Variants in HHLA2 observed in about 807,000 individuals in gnomAD.
HHLA2 encodes the protein HHLA2 member of B7 family.
A neutral mutation model predicts 45.9 loss-of-function variants in HHLA2; 48 were observed. That is an observed-to-expected ratio of 1.05 (90% CI 0.83 to 1.33). The LOEUF is 1.33. Ranked by LOEUF, HHLA2 falls within the 40% of genes most tolerant of loss-of-function variation. HHLA2 has a pLI of 0.00. For missense variants in HHLA2, 462 were observed against 494.3 expected (o/e 0.93, Z 0.62); for synonymous variants, 161 against 173.9 (o/e 0.93, Z 0.59).
rs2081006344 is a variant in HHLA2, at chr3:108,310,838, C to A, written c.-105+97C>A. 6.5e-5 allele frequency: 10 copies of A among 152,700 alleles called. No individual in the cohort carries two copies. The South Asian group carries it at 2.1e-3, about 32-fold the overall frequency. The allele number at this position is 152,700 out of a possible 1,614,324, so 9.5% of individuals were successfully genotyped here. A position where few individuals can be genotyped will look rare whatever the true frequency, so the allele number is the denominator to read the frequency against. The stretch of plus-strand genomic sequence containing the variant: ...TTTAAAAGACATATTCAGTCATCAT[C>A]TTTAGCACAAATGAAGTTTTGGCAA... On this transcript the variant is annotated intron_variant, in intron 2 of 10. Transcript: ENST00000619531.
At chr3:108,333,973 A>G (rs1032210761) in intron 3 of HHLA2, among the ~76,000 whole-genome samples, 1 of 152,206 alleles carries the variant, frequency 6.6e-6, no homozygotes, top group Non-Finnish European at 1.5e-5. Flanking sequence ...TTCAGGACCC[A>G]GAAGAATCTT....
In HHLA2 at chr3:108,376,531, G is replaced by A. The variant is rs1181314376; in HGVS notation, c.1198G>A (p.Ala400Thr). Residue 400 changes from alanine to threonine, a missense_variant, in exon 10 of 11, where the codon GCA (alanine) becomes ACA (threonine). Coordinates refer to ENST00000619531, the Ensembl canonical transcript of HHLA2. ...CCCTCCTGGTGAGCGCTGTCCCAGT[G>A]CACCCGATAATGGCGAAGAAAATGT... 1.9e-6 allele frequency: 3 copies of A among 1,612,456 alleles called. No homozygotes were observed. The South Asian group carries it at 3.3e-5, about 18-fold the overall frequency.
At position 108,360,658 on chromosome 3, in the gene HHLA2, G is replaced by T. The variant is rs185464374; in HGVS notation, c.1004-1684G>T. ...TATGCCGGACAAAGGGCGCAGTCAC[G>T]TCCCAGGTGGGATGCAGTGGCGTGA... On this transcript the variant is annotated intron_variant, in intron 7 of 10. Coordinates refer to ENST00000619531, the Ensembl canonical transcript of HHLA2. Among the ~76,000 whole-genome samples, 508 of 152,306 alleles carry T rather than the reference G, an allele frequency of 3.3e-3. 7 individuals are homozygous for T. The highest frequency in any genetic ancestry group is 0.012 in the African/African-American group (491 of 41,574).
At chr3:108,336,210 A>T (rs1470552714) in intron 3 of HHLA2, among the ~76,000 whole-genome samples, 1 of 152,176 alleles carries the variant, frequency 6.6e-6, no homozygotes, top group East Asian at 1.9e-4. Flanking sequence ...AGTTAGCCTT[A>T]TGACATTGTG....
intron 8 of HHLA2, among the ~76,000 whole-genome samples, chr3:108,371,142 T>C (rs1399234705): frequency 6.6e-6 from 1 of 152,208 alleles, no homozygotes. Flanking sequence ...GCAGAAACTC[T>C]ACAAGCCAGA....
intron 1 of HHLA2, among the ~76,000 whole-genome samples, 177 bp downstream of exon 1, chr3:108,296,776 C>T (rs1241558623): frequency 6.6e-6 from 1 of 152,164 alleles, no homozygotes; most frequent in African/African-American, 2.4e-5. Context: ...CAAACAAATA[C>T]TTAGTAAAAG....
At chr3:108,347,107 G>A (rs1248525239) in intron 3 of HHLA2, among the ~76,000 whole-genome samples, 1 of 152,130 alleles carries the variant, frequency 6.6e-6, no homozygotes, top group South Asian at 2.1e-4. Context: ...ATAATCTAAG[G>A]TGGAAGCTTT....
chr3:108,313,486 C>G (rs915579192), intron 2 of HHLA2, among the ~76,000 whole-genome samples: 1 of 152,290 alleles, frequency 6.6e-6, no homozygotes, highest in African/African-American at 2.4e-5. Context: ...ACGGATATTA[C>G]CTCCTCTCTT....
At chr3:108,313,191 T>C (rs1436084809) in intron 2 of HHLA2, among the ~76,000 whole-genome samples, 2 of 152,156 alleles carry the variant, frequency 1.3e-5, no homozygotes, top group African/African-American at 4.8e-5. Flanking sequence ...TTCTGTGAGA[T>C]AATTATATAA....
chr3:108,353,268 A>G (rs78607433), intron 4 of HHLA2, among the ~76,000 whole-genome samples, 159 bp from the exon 4 acceptor site: 10,030 of 152,282 alleles, frequency 0.066, 592 homozygotes, highest in East Asian at 0.34. Context: ...ACAGAGCTTC[A>G]CAGGTTTGTT....
At chr3:108,299,487 G>T (rs2080816370) in intron 1 of HHLA2, among the ~76,000 whole-genome samples, 1 of 151,928 alleles carries the variant, frequency 6.6e-6, no homozygotes, top group South Asian at 2.1e-4. Flanking sequence ...AAGGTGAGGA[G>T]TAGTCAGATT....
chr3:108,333,528 C>G (rs750273540), intron 3 of HHLA2, among the ~76,000 whole-genome samples: 1 of 148,886 alleles, frequency 6.7e-6, no homozygotes, highest in Non-Finnish European at 1.5e-5. Flanking sequence ...AACTGGACAT[C>G]CTGGATTTTA....
chr3:108,372,103 G>T (rs1312439697), intron 8 of HHLA2, among the ~76,000 whole-genome samples: 1 of 152,156 alleles, frequency 6.6e-6, no homozygotes, highest in African/African-American at 2.4e-5. Flanking sequence ...AAATGTAAAA[G>T]AACAGAAATT....
At position 108,362,328 on chromosome 3, in the gene HHLA2, C is replaced by CT. The variant is rs746402425; in HGVS notation, c.1004-3dup. 0.034 allele frequency: 37,823 copies of CT among 1,099,996 alleles called. No homozygotes were observed. Among genetic ancestry groups the CT allele is most frequent in the South Asian group, 0.041 (2,573 of 62,784 alleles). 68.1% of individuals were successfully genotyped at this position (1,099,996 alleles called of 1,614,324 possible). ...TTCCAGTTCACAGACTTTGTTTCTCCTTTTTTTTTTTAGAACCGAGCCAAG... is the reference window on the plus strand; with the variant it reads ...TTCCAGTTCACAGACTTTGTTTCTCCTTTTTTTTTTTTAGAACCGAGCCAAG... On this transcript the variant is annotated splice_polypyrimidine_tract_variant and intron_variant, in intron 7 of 10. Transcript: ENST00000619531.
chr3:108,359,685 A>G (rs2081956326), intron 7 of HHLA2, among the ~76,000 whole-genome samples: 1 of 152,208 alleles, frequency 6.6e-6, no homozygotes, highest in Non-Finnish European at 1.5e-5. Context: ...AGAAGTAGCT[A>G]TACCTTGTAG....
chr3:108,324,641 C>T (rs1284201749), intron 2 of HHLA2, among the ~76,000 whole-genome samples: 1 of 152,154 alleles, frequency 6.6e-6, no homozygotes. Flanking sequence ...CCTTGCTTTT[C>T]TTTAGTGTTA....
chr3:108,359,535 G>A (rs917668331), intron 7 of HHLA2, among the ~76,000 whole-genome samples: 3 of 152,076 alleles, frequency 2.0e-5, no homozygotes, highest in South Asian at 2.1e-4. Context: ...ATGATTCCTC[G>A]AATCTAGATC....
At position 108,330,961 on chromosome 3, in the gene HHLA2, G is replaced by A. The variant is rs553352209; in HGVS notation, c.-27+2614G>A. 2.6e-5 allele frequency among the ~76,000 whole-genome samples: 4 copies of A among 152,276 alleles called. No individual in the cohort carries two copies. In the East Asian group the frequency reaches 5.8e-4, roughly 22 times the overall value. ...TTCTCTGTCCATATTTCCTCAAATTGTGAATTGTGGTGAGGTCCCCAAGGA... is the reference window on the plus strand; with the variant it reads ...TTCTCTGTCCATATTTCCTCAAATTATGAATTGTGGTGAGGTCCCCAAGGA... On this transcript the variant is annotated intron_variant, in intron 3 of 10. Coordinates refer to ENST00000619531, the Ensembl canonical transcript of HHLA2.
exon 6 of HHLA2, chr3:108,355,119 T>C (rs1291378471): frequency 2.5e-6 from 4 of 1,610,630 alleles, no homozygotes; most frequent in Non-Finnish European, 3.4e-6. Context: ...ATGTAGTTTT[T>C]CTCACACCCG....
Sources: gnomAD v4.1 joint callset for allele counts (sites outside exome capture counted in the v4.1 genomes callset) on GRCh38, gnomAD v4.1.1 for gene constraint, MANE v1.5 for transcripts, NCBI Gene and HGNC (gene_info 2026-07-23, HGNC 2026-07-21) for gene names.